AVL9: variants seen among roughly 807,000 people sequenced by gnomAD.
The protein encoded by AVL9 is late secretory pathway protein AVL9 homolog.
AVL9 carries 49 observed loss-of-function variants against 79.2 expected under a neutral mutation model. The observed-to-expected ratio is 0.62, with a 90% CI of 0.49 to 0.79. The LOEUF (loss-of-function observed/expected upper bound fraction) is 0.79. Ranked by LOEUF, AVL9 falls within the 30% of genes least tolerant of loss-of-function variation. The probability of loss-of-function intolerance (pLI) is 0.00; values close to 1 mark genes in which losing one functional copy is unlikely to be tolerated. For missense variants in AVL9, 682 were observed against 776.8 expected, an observed-to-expected ratio of 0.88 and a Z score of 1.45; for synonymous variants, 299 against 280.6, an observed-to-expected ratio of 1.07 and a Z score of -0.65.
At chr7:32,570,696 T>C (rs1790794325) in intron 11 of AVL9, among the ~76,000 whole-genome samples, 1 of 151,434 alleles carries the variant, frequency 6.6e-6, no homozygotes, top group African/African-American at 2.4e-5. Context: ...CTCGGCTCCA[T>C]GCAACCTCCA....
At chr7:32,535,236 ATG>A (rs1306793876) in intron 1 of AVL9, 1 of 152,198 alleles carries the variant, frequency 6.6e-6, no homozygotes, top group Non-Finnish European at 1.5e-5. Context: ...CCTTATGGAA[ATG>A]TAAATAAAAT....
In AVL9 at chr7:32,563,134, C is replaced by T. The variant is rs557639851; in HGVS notation, c.1215+3670C>T. Among the ~76,000 whole-genome samples, 23 of 152,166 alleles carry T rather than the reference C, an allele frequency of 1.5e-4. 1 individual carries two copies. The highest frequency in any genetic ancestry group is 7.2e-4 in the Admixed American group (11 of 15,282). ...GCAACCTCCACGTCCCAGGTTCAAG[C>T]GATTCTCCTGCCTCAGCCTCCCTAG... On this transcript the variant is annotated intron_variant, in intron 10 of 15. Coordinates refer to ENST00000318709, the MANE Select transcript of AVL9 (RefSeq NM_015060.3).
At chr7:32,519,979 G>A (rs2128123120) in intron 1 of AVL9, among the ~76,000 whole-genome samples, 1 of 152,266 alleles carries the variant, frequency 6.6e-6, no homozygotes, top group South Asian at 2.1e-4. Context: ...ACCAGATCTT[G>A]TGAGAACTCA....
In AVL9 at chr7:32,495,814, GCCCGCC is replaced by G. The variant is rs756771786; in HGVS notation, c.93+22_93+27del. The G allele has an allele frequency of 8.0e-6, 10 of 1,254,254 alleles. No homozygotes were observed. Among genetic ancestry groups the G allele is most frequent in the Non-Finnish European group, 7.1e-6 (7 of 989,896 alleles). 77.7% of individuals were successfully genotyped at this position (1,254,254 alleles called of 1,614,324 possible). On this transcript the variant is annotated intron_variant, in intron 1 of 15. Transcript: ENST00000318709. ...AGAAGGGCTGCCAGGTGAGGAAAGG[GCCCGCC>G]CCCGCCCCCAGCCGTTCGGGCGTTC...
chr7:32,545,899 T>G (rs1789474433), intron 3 of AVL9, among the ~76,000 whole-genome samples: 2 of 152,156 alleles, frequency 1.3e-5, no homozygotes, highest in Non-Finnish European at 2.9e-5. Context: ...CCTGGAGAGC[T>G]TTAAAAGCTA....
intron 4 of AVL9, among the ~76,000 whole-genome samples, chr7:32,550,764 AGTT>A (rs1283231953): frequency 1.3e-5 from 2 of 152,216 alleles, no homozygotes; most frequent in Non-Finnish European, 1.5e-5. Flanking sequence ...GACACAAACT[AGTT>A]GTTGTGAGCC....
At chr7:32,536,163 A>G (rs1310633343) in intron 1 of AVL9, 1 of 150,358 alleles carries the variant, frequency 6.7e-6, no homozygotes, top group African/African-American at 2.4e-5. Context: ...TTTTTTACAT[A>G]TACTTAGGGC....
At chr7:32,539,960 C>T (rs991122348) in intron 1 of AVL9, among the ~76,000 whole-genome samples, 1 of 152,196 alleles carries the variant, frequency 6.6e-6, no homozygotes, top group African/African-American at 2.4e-5. Flanking sequence ...CTTTACCCGC[C>T]TGGATAATCC....
intron 2 of AVL9, among the ~76,000 whole-genome samples, chr7:32,543,672 G>A (rs1013880184): frequency 6.6e-6 from 1 of 152,204 alleles, no homozygotes; most frequent in Non-Finnish European, 1.5e-5. Flanking sequence ...GATTGTTTTT[G>A]TGCCTCTGGA....
rs564381473 is a variant in AVL9, at chr7:32,583,544, TCA to T, written c.1832-243_1832-242del. Among the ~76,000 whole-genome samples the T allele has an allele frequency of 2.6e-5, 4 of 152,150 alleles. No homozygotes were observed. In the South Asian group the frequency reaches 8.3e-4, roughly 32 times the overall value. Reference sequence around the variant, plus strand: ...AAATCAAAAAATTACCCAGGTGTGGTCACACAGGCCTGTGGTCCTAGCTACTT... The same window carrying T: ...AAATCAAAAAATTACCCAGGTGTGGTCACAGGCCTGTGGTCCTAGCTACTT... On this transcript the variant is annotated intron_variant, in intron 15 of 15. Coordinates refer to ENST00000318709, the MANE Select transcript of AVL9 (RefSeq NM_015060.3).
intron 1 of AVL9, among the ~76,000 whole-genome samples, chr7:32,502,349 C>T (rs1337594511): frequency 1.4e-5 from 2 of 142,420 alleles, no homozygotes; most frequent in Non-Finnish European, 3.0e-5. Context: ...GCCGAGATGG[C>T]ACCACTGCAC....
At chr7:32,554,076 T>C (rs766325636) in intron 7 of AVL9, among the ~76,000 whole-genome samples, 4 of 152,234 alleles carry the variant, frequency 2.6e-5, no homozygotes, top group Non-Finnish European at 4.4e-5. Context: ...GAAACATGTT[T>C]TGATCTTGCA....
At chr7:32,544,543 T>C in intron 2 of AVL9, 151 bp from the exon 3 acceptor site, 3 of 584,122 alleles carry the variant, frequency 5.1e-6, no homozygotes, top group East Asian at 5.6e-5. Flanking sequence ...TAGGAAACCA[T>C]TGGTTGTGGT....
At chr7:32,554,012 G>T (rs980490961) in intron 7 of AVL9, among the ~76,000 whole-genome samples, 8 of 152,114 alleles carry the variant, frequency 5.3e-5, no homozygotes, top group African/African-American at 1.7e-4. Context: ...GCAGGATAGG[G>T]TAATTTTTTC....
intron 1 of AVL9, among the ~76,000 whole-genome samples, chr7:32,521,381 TC>T (rs554026346): frequency 1.5e-3 from 236 of 152,260 alleles, no homozygotes; most frequent in Non-Finnish European, 2.6e-3. Context: ...GCTGAGGTGG[TC>T]TCAGATTGAG....
intron 10 of AVL9, 89 bp downstream of exon 10, chr7:32,559,553 T>G: frequency 7.3e-7 from 1 of 1,370,080 alleles, no homozygotes; most frequent in Non-Finnish European, 9.7e-7. Context: ...ATTCAACACA[T>G]TTTCAGGTGG....
chr7:32,552,523 C>CTT (rs1372004580), intron 6 of AVL9, among the ~76,000 whole-genome samples: 6 of 143,230 alleles, frequency 4.2e-5, no homozygotes, highest in African/African-American at 1.0e-4. Context: ...GAATTTCTGC[C>CTT]TTTTTTTTTT....
chr7:32,541,369 G>T (rs946658483), intron 1 of AVL9, among the ~76,000 whole-genome samples: 1 of 151,964 alleles, frequency 6.6e-6, no homozygotes, highest in African/African-American at 2.4e-5. Context: ...AAAATTTAAT[G>T]ATTTTCAAAA....
At position 32,573,268 on chromosome 7, in the gene AVL9, C is replaced by G; in HGVS notation, c.1420C>G (p.Leu474Val). ...GCTGCTTAACCCAACCACTGCAGAC[C>G]TAAGGTTCGCAGACTACCTAGTGAG... ...RKLLNPTTAD[L>V]RFADYLVRHV... Residue 474 changes from leucine (L) to valine (V), a missense_variant, in exon 12 of 16, where the codon CTA (leucine) becomes GTA (valine). Coordinates refer to ENST00000318709, the MANE Select transcript of AVL9 (RefSeq NM_015060.3). The G allele has an allele frequency of 6.2e-7, 1 of 1,613,800 alleles. No homozygotes were observed. The highest frequency in any genetic ancestry group is 8.5e-7 in the Non-Finnish European group (1 of 1,179,980).
Sources: gnomAD v4.1 joint callset for allele counts (sites outside exome capture counted in the v4.1 genomes callset) on GRCh38, gnomAD v4.1.1 for gene constraint, MANE v1.5 for transcripts, NCBI Gene and HGNC (gene_info 2026-07-23, HGNC 2026-07-21) for gene names.